STK33: variants seen among roughly 807,000 people sequenced by gnomAD.
STK33 encodes serine/threonine kinase 33.
A neutral mutation model predicts 58.0 loss-of-function variants in STK33; 52 were observed. The ratio of observed to expected loss-of-function variants is 0.90; its 90% CI spans 0.72 to 1.13. The LOEUF (loss-of-function observed/expected upper bound fraction) is 1.13, where lower values mean the gene tolerates loss of function less well. STK33 is among the 50% of genes most tolerant of loss of function. The probability of loss-of-function intolerance (pLI) is 0.00; values close to 1 mark genes in which losing one functional copy is unlikely to be tolerated. For missense variants in STK33, 630 were observed against 604.2 expected (o/e 1.04, Z -0.45); for synonymous variants, 215 against 200.1 (o/e 1.07, Z -0.63).
intron 10 of STK33, 80 bp downstream of exon 10, chr11:8,454,664 T>G (rs574887791): frequency 7.0e-7 from 1 of 1,436,958 alleles, no homozygotes; most frequent in Admixed American, 3.0e-5. Flanking sequence ...TAGCAACATG[T>G]GTCTAAAAAG....
intron 15 of STK33, among the ~76,000 whole-genome samples, chr11:8,409,800 T>C (rs1939900080): frequency 6.6e-6 from 1 of 152,188 alleles, no homozygotes; most frequent in South Asian, 2.1e-4. Flanking sequence ...CTAACATTAA[T>C]AAGTACTTAC....
At chr11:8,590,093 A>G (rs1182548208) in intron 1 of STK33, among the ~76,000 whole-genome samples, 1 of 152,208 alleles carries the variant, frequency 6.6e-6, no homozygotes, top group Admixed American at 6.6e-5. Context: ...TCTGTGGTAG[A>G]CAAGCATTCC....
At chr11:8,421,944 C>T (rs911016939) in intron 14 of STK33, among the ~76,000 whole-genome samples, 3 of 152,044 alleles carry the variant, frequency 2.0e-5, no homozygotes, top group Non-Finnish European at 4.4e-5. Flanking sequence ...CTCAGCTCTC[C>T]TATTTCTAAT....
chr11:8,391,593 G>C (rs994053668), downstream of STK33, among the ~76,000 whole-genome samples: 4 of 152,202 alleles, frequency 2.6e-5, no homozygotes, highest in Admixed American at 1.3e-4. Context: ...CTTTATGAAG[G>C]TAAAAGCAAT....
At chr11:8,367,127 T>C in the STK33 span, among the ~76,000 whole-genome samples, 2 of 152,278 alleles carry the variant, frequency 1.3e-5, no homozygotes, top group Non-Finnish European at 2.9e-5. Context: ...TGTATATATG[T>C]GTGAACAAAG....
chr11:8,487,844 T>C (rs1217029148), intron 1 of STK33, among the ~76,000 whole-genome samples: 2 of 152,336 alleles, frequency 1.3e-5, no homozygotes, highest in South Asian at 2.1e-4. Context: ...AACTTTTTCA[T>C]AACTCTAGAT....
At chr11:8,551,406 A>C (rs1219189649) in intron 1 of STK33, among the ~76,000 whole-genome samples, 2 of 152,208 alleles carry the variant, frequency 1.3e-5, no homozygotes, top group African/African-American at 2.4e-5. Flanking sequence ...CTAGGATTAC[A>C]GGCATGAGCC....
At position 8,452,869 on chromosome 11, in the gene STK33, C is replaced by T; in HGVS notation, c.824G>A (p.Arg275Lys). ...TGTGGCCTGCAGCATGGCTTCACTC[C>T]TACTTTGCTTCTTCACCGCTAAGCC... Reference protein sequence around the residue: ...DFGLAVKKQSRSEAMLQATCG... With the variant: ...DFGLAVKKQSKSEAMLQATCG... The change falls in exon 11 of 16, where the codon AGG becomes AAG. Residue 275 changes from arginine to lysine, a missense_variant. Coordinates refer to ENST00000687296, the MANE Select transcript of STK33 (RefSeq NM_001352389.2). 1.9e-6 allele frequency: 3 copies of T among 1,614,138 alleles called. No homozygotes were observed. The highest frequency in any genetic ancestry group is 1.1e-5 in the South Asian group (1 of 91,064).
chr11:8,533,976 C>A (rs529921402), intron 1 of STK33, among the ~76,000 whole-genome samples: 1 of 152,184 alleles, frequency 6.6e-6, no homozygotes, highest in African/African-American at 2.4e-5. Flanking sequence ...CATGTTTATG[C>A]CCTCAAACTG....
chr11:8,435,744 G>C (rs1016371867), intron 13 of STK33, among the ~76,000 whole-genome samples, 165 bp from the exon 14 acceptor site: 6 of 152,114 alleles, frequency 3.9e-5, no homozygotes, highest in Non-Finnish European at 8.8e-5. Context: ...AAAGCCTAAA[G>C]TGAAGTTTTA....
chr11:8,499,631 T>C (rs947971221), intron 1 of STK33, among the ~76,000 whole-genome samples: 10 of 152,220 alleles, frequency 6.6e-5, no homozygotes, highest in Admixed American at 1.3e-4. Context: ...CGTAGGTTTA[T>C]TGTGGCACTA....
At chr11:8,482,571 G>T (rs1007286094) in intron 1 of STK33, among the ~76,000 whole-genome samples, 2 of 152,160 alleles carry the variant, frequency 1.3e-5, no homozygotes, top group East Asian at 3.9e-4. Context: ...AGATGGAGTG[G>T]CCCAGGAAGT....
intron 1 of STK33, among the ~76,000 whole-genome samples, chr11:8,555,429 T>G (rs944688670): frequency 6.6e-6 from 1 of 152,154 alleles, no homozygotes; most frequent in African/African-American, 2.4e-5. Context: ...ACTAGGAGAC[T>G]GAGGTGAGTG....
chr11:8,593,179 C>T (rs2032882003), intron 1 of STK33, among the ~76,000 whole-genome samples: 2 of 152,096 alleles, frequency 1.3e-5, no homozygotes, highest in African/African-American at 4.8e-5. Flanking sequence ...TTTAAATGCG[C>T]GATATATCTG....
the STK33 span, among the ~76,000 whole-genome samples, chr11:8,363,530 G>T: frequency 6.6e-6 from 1 of 151,898 alleles, no homozygotes; most frequent in Non-Finnish European, 1.5e-5. Context: ...TTTGAACTTC[G>T]TGTGACTGGA....
intron 1 of STK33, among the ~76,000 whole-genome samples, chr11:8,574,332 CAG>C (rs1322038214): frequency 6.6e-6 from 1 of 152,126 alleles, no homozygotes; most frequent in East Asian, 1.9e-4. Flanking sequence ...GAAGCGTGCT[CAG>C]AGTCTCCCTG....
At chr11:8,372,908 A>G in the STK33 span, among the ~76,000 whole-genome samples, 25 of 152,342 alleles carry the variant, frequency 1.6e-4, no homozygotes, top group East Asian at 4.8e-3. Flanking sequence ...GAGGACTGTC[A>G]TGGAGGTAGC....
the STK33 span, among the ~76,000 whole-genome samples, chr11:8,370,203 T>G: frequency 7.7e-6 from 1 of 130,276 alleles, no homozygotes; most frequent in East Asian, 2.1e-4. Flanking sequence ...AAGATGAGGC[T>G]TTTTTTTTTA....
At chr11:8,520,251 T>G (rs1201307886) in intron 1 of STK33, among the ~76,000 whole-genome samples, 2 of 152,208 alleles carry the variant, frequency 1.3e-5, no homozygotes, top group Admixed American at 1.3e-4. Flanking sequence ...ACCACATGAT[T>G]ATCTCAAAAG....
Sources: allele counts gnomAD v4.1 joint callset (sites outside exome capture counted in the v4.1 genomes callset), GRCh38; gene constraint gnomAD v4.1.1; transcripts MANE v1.5; gene names NCBI Gene and HGNC (gene_info 2026-07-23, HGNC 2026-07-21).